Variants in NCALD observed in about 807,000 individuals in gnomAD.
NCALD encodes neurocalcin-delta.
In NCALD, 10 loss-of-function variants were observed where a neutral mutation model predicts 18.6. The observed-to-expected ratio is 0.54, with a 90% CI of 0.33 to 0.91. The LOEUF is 0.91. Among genes scored for constraint, NCALD ranks in the 40% least tolerant of loss-of-function variants. The pLI, the probability that NCALD is intolerant of heterozygous loss-of-function variation, is 0.03. For missense variants in NCALD, 184 were observed against 247.6 expected (o/e 0.74, Z 1.72); for synonymous variants, 88 against 87.4 (o/e 1.01, Z -0.04).
intron 3 of NCALD, among the ~76,000 whole-genome samples, chr8:101,911,347 CTTT>C (rs923592706): frequency 4.1e-5 from 6 of 144,876 alleles, no homozygotes; most frequent in Non-Finnish European, 7.5e-5. Context: ...TTTCTCTTTT[CTTT>C]TTTTTCTTTT....
chr8:102,116,963 G>A (rs947658413), intron 1 of NCALD, among the ~76,000 whole-genome samples: 6 of 152,222 alleles, frequency 3.9e-5, no homozygotes, highest in African/African-American at 1.4e-4. Flanking sequence ...GATGCGCAGA[G>A]GAGAGACACA....
At chr8:101,789,122 A>G (rs1007816027) in intron 1 of NCALD, 9 of 152,190 alleles carry the variant, frequency 5.9e-5, no homozygotes, top group African/African-American at 2.2e-4. Context: ...TACCTGGAAA[A>G]ACTATAATGA....
chr8:101,699,056 A>G (rs917678870), intron 2 of NCALD, among the ~76,000 whole-genome samples: 2 of 136,540 alleles, frequency 1.5e-5, no homozygotes, highest in African/African-American at 5.6e-5. Context: ...CAGAATCTAC[A>G]AGGAACTTAA....
intron 4 of NCALD, among the ~76,000 whole-genome samples, chr8:101,857,009 T>G (rs1040132878): frequency 1.3e-5 from 2 of 152,154 alleles, no homozygotes; most frequent in African/African-American, 4.8e-5. Context: ...TAGTGTATTA[T>G]ATATGTGACT....
intron 1 of NCALD, among the ~76,000 whole-genome samples, chr8:102,037,995 A>G (rs562877985): frequency 1.3e-5 from 2 of 152,268 alleles, no homozygotes; most frequent in East Asian, 1.9e-4. Context: ...AGGTGTCTTT[A>G]TTTCCCCCCT....
intron 1 of NCALD, among the ~76,000 whole-genome samples, chr8:102,030,957 T>TAA (rs35761403): frequency 6.8e-6 from 1 of 147,058 alleles, no homozygotes; most frequent in African/African-American, 2.5e-5. Context: ...TGATAAATGA[T>TAA]AAAAAAAAAA....
intron 4 of NCALD, among the ~76,000 whole-genome samples, chr8:101,854,564 T>C (rs540254287): frequency 6.6e-6 from 1 of 152,252 alleles, no homozygotes; most frequent in East Asian, 1.9e-4. Context: ...AAATCTTTTC[T>C]TTTTCTTGAT....
chr8:102,093,380 G>C (rs980874569), intron 1 of NCALD, among the ~76,000 whole-genome samples: 4 of 152,224 alleles, frequency 2.6e-5, no homozygotes, highest in African/African-American at 9.6e-5. Flanking sequence ...CTCAGAGATT[G>C]CTAGCTGCCA....
At chr8:102,064,174 C>T (rs1405886228) in intron 1 of NCALD, among the ~76,000 whole-genome samples, 2 of 152,210 alleles carry the variant, frequency 1.3e-5, no homozygotes, top group African/African-American at 2.4e-5. Context: ...CAGAAGTGAT[C>T]TCATCCCCAA....
At chr8:101,767,974 C>T (rs1164994040) in intron 1 of NCALD, among the ~76,000 whole-genome samples, 1 of 152,230 alleles carries the variant, frequency 6.6e-6, no homozygotes, top group Non-Finnish European at 1.5e-5. Flanking sequence ...AAAAACTTTG[C>T]ATATTTTATT....
At chr8:101,843,771 G>A (rs1157595237) in intron 4 of NCALD, among the ~76,000 whole-genome samples, 1 of 151,834 alleles carries the variant, frequency 6.6e-6, no homozygotes, top group African/African-American at 2.4e-5. Flanking sequence ...CTGTAGAGAT[G>A]GGCTTTCACC....
chr8:101,692,826 T>C lies in NCALD; in HGVS notation c.449A>G (p.Glu150Gly). The change falls in exon 3 of 4, where the codon GAA becomes GGA. Residue 150 changes from glutamate to glycine, a missense_variant. Coordinates refer to ENST00000220931, the MANE Select transcript of NCALD (RefSeq NM_032041.3). ...GGTGTCCATCTGGCGGAAGATCTTT[T>C]CTGTTCTTTTCTCTGGGGTTGACTC... ...EDESTPEKRT[E>G]KIFRQMDTNR... The C allele has an allele frequency of 6.2e-7, 1 of 1,613,974 alleles. No homozygotes were observed. Among genetic ancestry groups the C allele is most frequent in the East Asian group, 2.2e-5 (1 of 44,876 alleles).
intron 1 of NCALD, among the ~76,000 whole-genome samples, chr8:102,072,809 G>T (rs11784583): frequency 0.17 from 25,914 of 152,032 alleles, 2,572 homozygotes; most frequent in African/African-American, 0.27. Flanking sequence ...GACACCATTC[G>T]AAAGATTTTT....
chr8:101,999,481 G>A (rs752050307), intron 2 of NCALD, among the ~76,000 whole-genome samples: 28 of 152,242 alleles, frequency 1.8e-4, no homozygotes, highest in Non-Finnish European at 3.4e-4. Context: ...AGGATGCAAA[G>A]GCATAAGAAT....
chr8:101,719,190 C>T (rs1816232752), intron 2 of NCALD, 62 bp downstream of exon 2: 14 of 1,566,120 alleles, frequency 8.9e-6, no homozygotes, highest in Non-Finnish European at 1.0e-5. Context: ...CTATACTGTG[C>T]ACCTTCCAAT....
chr8:101,741,582 A>C (rs1216346049), intron 1 of NCALD, among the ~76,000 whole-genome samples: 1 of 151,914 alleles, frequency 6.6e-6, no homozygotes, highest in Non-Finnish European at 1.5e-5. Context: ...TACTCCTATA[A>C]TCAAATTCAG....
chr8:101,759,356 G>C (rs1011177369), intron 1 of NCALD, among the ~76,000 whole-genome samples: 2 of 152,158 alleles, frequency 1.3e-5, no homozygotes, highest in East Asian at 1.9e-4. Context: ...AACTGAGAGA[G>C]GGAGAGGGGG....
intron 2 of NCALD, among the ~76,000 whole-genome samples, chr8:101,696,826 A>AC (rs1815015330): frequency 1.9e-5 from 1 of 52,992 alleles, no homozygotes; most frequent in Non-Finnish European, 1.0e-4. Flanking sequence ...TTATAGCACT[A>AC]AATGCCCACA....
At chr8:101,732,370 C>T (rs1367618494) in intron 1 of NCALD, among the ~76,000 whole-genome samples, 1 of 152,046 alleles carries the variant, frequency 6.6e-6, no homozygotes, top group African/African-American at 2.4e-5. Flanking sequence ...TTTAGATATC[C>T]TCTAGAGGCC....
Sources: allele counts gnomAD v4.1 joint callset (sites outside exome capture counted in the v4.1 genomes callset), GRCh38; gene constraint gnomAD v4.1.1; transcripts MANE v1.5; gene names NCBI Gene and HGNC (gene_info 2026-07-23, HGNC 2026-07-21).